Variants in FRMD4A observed in about 807,000 individuals in gnomAD.
FRMD4A encodes FERM domain-containing protein 4A.
A neutral mutation model predicts 129.1 loss-of-function variants in FRMD4A; 29 were observed. That is an observed-to-expected ratio of 0.22 (90% confidence interval 0.17 to 0.31). The LOEUF (loss-of-function observed/expected upper bound fraction) is 0.31. Ranked by LOEUF, FRMD4A falls within the 10% of genes least tolerant of loss-of-function variation. The pLI is 1.00. For missense variants in FRMD4A, 1,272 were observed against 1,375.8 expected (o/e 0.92, Z 1.19); for synonymous variants, 634 against 571.6 (o/e 1.11, Z -1.56).
At chr10:13,787,234 C>G (rs2092887616) in intron 5 of FRMD4A, among the ~76,000 whole-genome samples, 2 of 152,202 alleles carry the variant, frequency 1.3e-5, no homozygotes, top group Admixed American at 6.5e-5. Context: ...CCCGTGAGCT[C>G]CGGGCCTGTC....
intron 2 of FRMD4A, among the ~76,000 whole-genome samples, chr10:13,889,156 C>A (rs2094663506): frequency 3.3e-5 from 5 of 152,230 alleles, no homozygotes; most frequent in Non-Finnish European, 5.9e-5. Flanking sequence ...TAGTCTCACC[C>A]AACACTTACT....
intron 3 of FRMD4A, among the ~76,000 whole-genome samples, chr10:13,819,835 C>T (rs1226780611): frequency 6.6e-6 from 1 of 152,004 alleles, no homozygotes; most frequent in Non-Finnish European, 1.5e-5. Context: ...AATTCTCATG[C>T]CTCAGCCACC....
chr10:14,115,191 C>G (rs889183005), intron 2 of FRMD4A, among the ~76,000 whole-genome samples: 1 of 152,188 alleles, frequency 6.6e-6, no homozygotes, highest in African/African-American at 2.4e-5. Flanking sequence ...TTTATAGTAA[C>G]AGCACACCTC....
chr10:13,689,711 T>C (rs1408996483), intron 15 of FRMD4A, among the ~76,000 whole-genome samples: 5 of 151,136 alleles, frequency 3.3e-5, no homozygotes, highest in African/African-American at 1.2e-4. Flanking sequence ...CACCACCATG[T>C]CCAGCTATAT....
intron 2 of FRMD4A, among the ~76,000 whole-genome samples, chr10:14,321,751 C>G (rs1488260153): frequency 2.6e-5 from 4 of 152,082 alleles, no homozygotes; most frequent in African/African-American, 9.7e-5. Context: ...GGTAAGAGGC[C>G]CTGCAGGTAG....
intron 3 of FRMD4A, among the ~76,000 whole-genome samples, chr10:13,827,737 T>A (rs1009525976): frequency 6.6e-6 from 1 of 152,152 alleles, no homozygotes; most frequent in Non-Finnish European, 1.5e-5. Context: ...TCTGTAAGTC[T>A]GCCAGGAAGC....
At chr10:13,932,452 T>C (rs2797891) in intron 2 of FRMD4A, among the ~76,000 whole-genome samples, 2 of 152,058 alleles carry the variant, frequency 1.3e-5, no homozygotes, top group African/African-American at 4.8e-5. Flanking sequence ...GCTGGTGACT[T>C]TGCAGATGCC....
intron 2 of FRMD4A, among the ~76,000 whole-genome samples, chr10:14,059,698 C>T (rs1459734694): frequency 6.6e-6 from 1 of 152,210 alleles, no homozygotes; most frequent in Non-Finnish European, 1.5e-5. Flanking sequence ...CACACCATTC[C>T]TCTGCCTGTT....
intron 2 of FRMD4A, among the ~76,000 whole-genome samples, chr10:14,170,153 C>G (rs927573118): frequency 2.0e-5 from 3 of 152,160 alleles, no homozygotes; most frequent in African/African-American, 7.2e-5. Flanking sequence ...TTTATTCTTC[C>G]TTTTGATCCT....
chr10:14,263,986 C>G (rs1036260556), intron 2 of FRMD4A, among the ~76,000 whole-genome samples: 3 of 152,152 alleles, frequency 2.0e-5, no homozygotes, highest in Non-Finnish European at 2.9e-5. Context: ...GAGCATTGCA[C>G]CAACCACAAA....
chr10:14,299,408 T>C (rs1846112924), intron 2 of FRMD4A, among the ~76,000 whole-genome samples: 1 of 152,106 alleles, frequency 6.6e-6, no homozygotes, highest in African/African-American at 2.4e-5. Flanking sequence ...CTAATACTAA[T>C]AAAGGCTCCC....
intron 2 of FRMD4A, among the ~76,000 whole-genome samples, chr10:14,092,226 C>G (rs542977563): frequency 6.6e-6 from 1 of 152,322 alleles, no homozygotes; most frequent in East Asian, 1.9e-4. Context: ...CCACGTAGAA[C>G]CCAACAGACA....
At chr10:13,851,071 G>A (rs990043179) in intron 3 of FRMD4A, among the ~76,000 whole-genome samples, 3 of 152,192 alleles carry the variant, frequency 2.0e-5, no homozygotes, top group South Asian at 2.1e-4. Context: ...AAAATTAGCC[G>A]GGCATGATGG....
At chr10:13,722,776 G>A (rs960348752) in intron 12 of FRMD4A, among the ~76,000 whole-genome samples, 21 of 152,222 alleles carry the variant, frequency 1.4e-4, no homozygotes, top group Non-Finnish European at 2.2e-4. Context: ...GGTTAGCTGG[G>A]TATCCACGCT....
At chr10:14,087,276 AAT>A (rs984383004) in intron 2 of FRMD4A, among the ~76,000 whole-genome samples, 6 of 147,500 alleles carry the variant, frequency 4.1e-5, no homozygotes, top group African/African-American at 9.8e-5. Context: ...TAAATTAATT[AAT>A]ATATGTGTTA....
At position 14,167,636 on chromosome 10, in the gene FRMD4A, C is replaced by T. The variant is rs555348685; in HGVS notation, c.45+162422G>A. Among the ~76,000 whole-genome samples, 56 of 147,980 alleles carry T rather than the reference C, an allele frequency of 3.8e-4. 1 individual carries two copies. Among genetic ancestry groups the T allele is most frequent in the Middle Eastern group, 3.6e-3 (1 of 276 alleles). ...CATTGCAAAAGGCAATGGATAAATACGTGGGGGCTTAGAGTGTGAGGGAGG... is the reference window on the plus strand; with the variant it reads ...CATTGCAAAAGGCAATGGATAAATATGTGGGGGCTTAGAGTGTGAGGGAGG... On this transcript the variant is annotated intron_variant, in intron 2 of 24. Coordinates refer to ENST00000357447, the MANE Select transcript of FRMD4A (RefSeq NM_018027.5).
At chr10:13,831,810 C>A (rs1175070745) in intron 3 of FRMD4A, among the ~76,000 whole-genome samples, 1 of 152,248 alleles carries the variant, frequency 6.6e-6, no homozygotes, top group East Asian at 1.9e-4. Flanking sequence ...AGGAGATCTC[C>A]CAGTTGCCAT....
At chr10:13,702,995 G>A (rs1564648212) in intron 13 of FRMD4A, among the ~76,000 whole-genome samples, 1 of 151,808 alleles carries the variant, frequency 6.6e-6, no homozygotes, top group Non-Finnish European at 1.5e-5. Flanking sequence ...AGAGAGCGAG[G>A]GGGAGATCCC....
intron 2 of FRMD4A, among the ~76,000 whole-genome samples, chr10:13,862,135 C>A (rs1417076685): frequency 6.6e-6 from 1 of 151,904 alleles, no homozygotes; most frequent in East Asian, 1.9e-4. Flanking sequence ...AAAGTCTCGA[C>A]AGAGAATAGG....
Sources: gnomAD v4.1 joint callset for allele counts (sites outside exome capture counted in the v4.1 genomes callset) on GRCh38, gnomAD v4.1.1 for gene constraint, MANE v1.5 for transcripts, NCBI Gene and HGNC (gene_info 2026-07-23, HGNC 2026-07-21) for gene names.